KIF27: variants seen among roughly 807,000 people sequenced by gnomAD.
The protein encoded by KIF27 is kinesin family member 27.
In KIF27, 84 loss-of-function variants were observed where a neutral mutation model predicts 141.8. The ratio of observed to expected loss-of-function variants is 0.59; its 90% CI spans 0.50 to 0.71. KIF27 has a LOEUF of 0.71. KIF27 is among the 30% of genes least tolerant of loss of function. The pLI, the probability that KIF27 is intolerant of heterozygous loss-of-function variation, is 0.00. For missense variants in KIF27, 1,306 were observed against 1,628.4 expected (o/e 0.80, Z 3.41); for synonymous variants, 471 against 569.5 (o/e 0.83, Z 2.46).
intron 6 of KIF27, 144 bp downstream of exon 6, chr9:83,891,143 AGAAAGAAG>A: frequency 1.7e-6 from 1 of 572,420 alleles, no homozygotes; most frequent in Non-Finnish European, 3.1e-6. Flanking sequence ...TTTTTTTATT[AGAAAGAAG>A]TATGCTTAAA....
intron 5 of KIF27, among the ~76,000 whole-genome samples, chr9:83,894,550 T>C (rs1211720972): frequency 6.6e-6 from 1 of 152,252 alleles, no homozygotes; most frequent in Non-Finnish European, 1.5e-5. Flanking sequence ...TCTGGGACTT[T>C]GGTTCATGCT....
chr9:83,896,066 A>C (rs1187300326), intron 5 of KIF27, among the ~76,000 whole-genome samples: 46 of 149,566 alleles, frequency 3.1e-4, no homozygotes, highest in African/African-American at 8.3e-4. Context: ...AAAAAAAAAA[A>C]AAAAAAAAAC....
intron 2 of KIF27, among the ~76,000 whole-genome samples, chr9:83,913,764 C>T (rs1955423261): frequency 6.6e-6 from 1 of 151,934 alleles, no homozygotes; most frequent in Non-Finnish European, 1.5e-5. Flanking sequence ...TTGTTAAATG[C>T]AAAAAGAAAG....
chr9:83,899,526 T>C (rs2780082), intron 5 of KIF27, 135 bp downstream of exon 5: 2 of 573,148 alleles, frequency 3.5e-6, no homozygotes, highest in African/African-American at 1.8e-5. Context: ...TAATAATTCT[T>C]TCAGGTGCCT....
chr9:83,855,868 C>T (rs1949141668), intron 14 of KIF27, among the ~76,000 whole-genome samples: 1 of 152,164 alleles, frequency 6.6e-6, no homozygotes, highest in Non-Finnish European at 1.5e-5. Flanking sequence ...AATTCAGTTT[C>T]TATGGTTTTG....
At chr9:83,875,240 G>A (rs534320111) in intron 11 of KIF27, among the ~76,000 whole-genome samples, 15 of 152,314 alleles carry the variant, frequency 9.8e-5, no homozygotes, top group African/African-American at 3.4e-4. Context: ...GTGTTTTAAA[G>A]ATATACTCTG....
In KIF27 at chr9:83,889,193, T is replaced by A. The variant is rs754542614; in HGVS notation, c.1870A>T (p.Ser624Cys). 1 of 1,613,924 alleles carries A rather than the reference T, an allele frequency of 6.2e-7. No individual in the cohort carries two copies. The highest frequency in any genetic ancestry group is 1.7e-5 in the Admixed American group (1 of 60,008). Residue 624 changes from serine (S) to cysteine (C), a missense_variant, in exon 7 of 18, where the codon AGT (serine) becomes TGT (cysteine). Ser to Cys is a moderately radical substitution (Grantham distance 112). Coordinates refer to ENST00000297814, the MANE Select transcript of KIF27 (RefSeq NM_017576.4). Reference protein sequence around the residue: ...DRIFAGFRTRSQMLLGHIEEQ... With the variant: ...DRIFAGFRTRCQMLLGHIEEQ... ...TCTATGTGACCCAACAGCATCTGAC[T>A]TCGTGTTCGAAATCCAGCAAATATT...
At position 83,859,160 on chromosome 9, in the gene KIF27, G is replaced by T. The variant is rs761925902; in HGVS notation, c.3146C>A (p.Pro1049His). The change falls in exon 14 of 18, where the codon CCT becomes CAT. Residue 1049 changes from proline to histidine, a missense_variant. Physicochemically the swap from Pro to His is moderately conservative, Grantham distance 77. Around this residue, in one of 4 missense-constraint regions of KIF27, gnomAD observed 596 missense variants for 751.6 expected, o/e 0.79. Transcript: ENST00000297814. ...TTCCAAAGAATACTGACTTACTTCAGGTGATAACACTCTACCATTTTTAAG... is the reference window on the plus strand; with the variant it reads ...TTCCAAAGAATACTGACTTACTTCATGTGATAACACTCTACCATTTTTAAG... ...EKLKNGRVLS[P>H]EEEHVLFQLE... 1.2e-6 allele frequency: 2 copies of T among 1,605,508 alleles called. No individual in the cohort carries two copies. The highest frequency in any genetic ancestry group is 1.7e-6 in the Non-Finnish European group (2 of 1,172,132).
chr9:83,917,131 C>A (rs190388841), intron 1 of KIF27, among the ~76,000 whole-genome samples: 5 of 152,114 alleles, frequency 3.3e-5, no homozygotes, highest in South Asian at 2.1e-4. Flanking sequence ...ATCCCTCCCC[C>A]CTTCCCCCAC....
intron 8 of KIF27, among the ~76,000 whole-genome samples, chr9:83,887,736 G>A (rs1007039766): frequency 7.2e-5 from 11 of 151,828 alleles, no homozygotes; most frequent in African/African-American, 2.4e-4. Flanking sequence ...TTTACATTCC[G>A]ACGTAAGTTT....
chr9:83,879,589 C>T (rs1951510321), intron 11 of KIF27, among the ~76,000 whole-genome samples: 1 of 152,060 alleles, frequency 6.6e-6, no homozygotes, highest in Non-Finnish European at 1.5e-5. Flanking sequence ...GCACATAGTA[C>T]TAGATAAGTG....
At position 83,883,982 on chromosome 9, in the gene KIF27, AAAG is replaced by A; in HGVS notation, c.2273_2275del (p.Ser758del). 1 of 1,613,208 alleles carries A rather than the reference AAAG, an allele frequency of 6.2e-7. No homozygotes were observed. The stretch of plus-strand genomic sequence containing the variant: ...ATCATGCTCTAGCTTTGTTACTTTC[AAAG>A]AATACTGCTTGCTTACAGACTTGGC... On this transcript the variant is annotated inframe_deletion, in exon 10 of 18. Coordinates refer to ENST00000297814, the MANE Select transcript of KIF27 (RefSeq NM_017576.4).
intron 6 of KIF27, among the ~76,000 whole-genome samples, chr9:83,890,684 G>A (rs1431241586): frequency 2.6e-5 from 4 of 152,082 alleles, no homozygotes; most frequent in Non-Finnish European, 4.4e-5. Context: ...TGGATCTCAC[G>A]TGAACAAATC....
intron 2 of KIF27, 70 bp from the exon 3 acceptor site, chr9:83,908,722 A>G: frequency 1.1e-6 from 1 of 917,492 alleles, no homozygotes; most frequent in Non-Finnish European, 1.6e-6. Context: ...CCAAATTTAT[A>G]GTTAATTTAT....
chr9:83,919,478 T>C (rs1051124406), intron 1 of KIF27, among the ~76,000 whole-genome samples: 6 of 152,184 alleles, frequency 3.9e-5, no homozygotes, highest in African/African-American at 1.4e-4. Flanking sequence ...TGAGGTTAGG[T>C]TCTTTGGAAA....
intron 10 of KIF27, 77 bp from the exon 11 acceptor site, chr9:83,880,571 G>A: frequency 9.1e-7 from 1 of 1,098,430 alleles, no homozygotes; most frequent in Non-Finnish European, 1.3e-6. Flanking sequence ...CTTTTCATTT[G>A]ATGGTAAAAG....
chr9:83,858,987 C>T, intron 14 of KIF27, 169 bp downstream of exon 14: 1 of 624,016 alleles, frequency 1.6e-6, no homozygotes. Flanking sequence ...GTCTCTAGTC[C>T]AGCGTGGTTT....
At chr9:83,861,192 T>C (rs1051555034) in intron 13 of KIF27, among the ~76,000 whole-genome samples, 17 of 151,896 alleles carry the variant, frequency 1.1e-4, no homozygotes, top group African/African-American at 3.9e-4. Flanking sequence ...TATATATATA[T>C]ATATAACTTT....
chr9:83,859,467 ATATATTTT>A (rs1197315530), intron 13 of KIF27, 96 bp from the exon 14 acceptor site: 1 of 780,672 alleles, frequency 1.3e-6, no homozygotes, highest in African/African-American at 1.8e-5. Context: ...TGCTAAATGA[ATATATTTT>A]TAGTTTTTAT....
Sources: gnomAD v4.1 joint callset for allele counts (sites outside exome capture counted in the v4.1 genomes callset) on GRCh38, gnomAD v4.1.1 for gene constraint, gnomAD v4.1.1 regional missense constraint, MANE v1.5 for transcripts, NCBI Gene and HGNC (gene_info 2026-07-23, HGNC 2026-07-21) for gene names.